DLC1: variants seen among roughly 807,000 people sequenced by gnomAD.
DLC1 encodes DLC1 Rho GTPase activating protein, also known as rho GTPase-activating protein 7.
A neutral mutation model predicts 140.3 loss-of-function variants in DLC1; 54 were observed. The ratio of observed to expected loss-of-function variants is 0.38; its 90% confidence interval spans 0.31 to 0.48. The LOEUF (loss-of-function observed/expected upper bound fraction) is 0.48. DLC1 is among the 20% of genes least tolerant of loss of function. The pLI, the probability that DLC1 is intolerant of heterozygous loss-of-function variation, is 0.96. For missense variants in DLC1, 2,536 were observed against 1,907.0 expected (o/e 1.33, Z -6.14); for synonymous variants, 986 against 728.1 (o/e 1.35, Z -5.70).
At chr8:13,513,323 A>G (rs927221224) in intron 1 of DLC1, among the ~76,000 whole-genome samples, 14 of 152,184 alleles carry the variant, frequency 9.2e-5, no homozygotes, top group African/African-American at 3.4e-4. Flanking sequence ...TCTTCCACAT[A>G]TATAAAAAGT....
intron 4 of DLC1, among the ~76,000 whole-genome samples, chr8:13,361,986 C>A (rs1835247761): frequency 6.6e-6 from 1 of 152,120 alleles, no homozygotes; most frequent in Non-Finnish European, 1.5e-5. Context: ...TTCCCAAAAC[C>A]AAAGAAATAA....
chr8:13,334,222 A>AG (rs1342277806), intron 4 of DLC1, among the ~76,000 whole-genome samples: 5 of 151,992 alleles, frequency 3.3e-5, no homozygotes, highest in African/African-American at 7.3e-5. Context: ...GGAGAGAAGC[A>AG]GGGGGGAGTT....
chr8:13,551,126 T>C (rs980697724), intron 1 of DLC1, among the ~76,000 whole-genome samples: 5 of 150,308 alleles, frequency 3.3e-5, no homozygotes, highest in African/African-American at 9.8e-5. Context: ...ATTTGAAAAC[T>C]CTTTGGAAAA....
chr8:13,151,510 A>G (rs892052731), intron 5 of DLC1, among the ~76,000 whole-genome samples: 1 of 152,232 alleles, frequency 6.6e-6, no homozygotes, highest in Non-Finnish European at 1.5e-5. Flanking sequence ...TGTAATCTGC[A>G]TTTTCAAATC....
chr8:13,396,160 C>T (rs1173832405), intron 3 of DLC1, among the ~76,000 whole-genome samples: 1 of 150,376 alleles, frequency 6.6e-6, no homozygotes, highest in East Asian at 2.0e-4. Context: ...CCTGGGTTCA[C>T]ACCATTCTCC....
chr8:13,288,059 C>A (rs1831599153), intron 5 of DLC1, among the ~76,000 whole-genome samples: 1 of 152,106 alleles, frequency 6.6e-6, no homozygotes, highest in Admixed American at 6.5e-5. Context: ...TATAATAAAT[C>A]AGAGCTCAGT....
intron 3 of DLC1, among the ~76,000 whole-genome samples, chr8:13,398,349 A>G (rs1188446383): frequency 6.6e-6 from 1 of 152,192 alleles, no homozygotes; most frequent in African/African-American, 2.4e-5. Context: ...GGAAGGATTT[A>G]TTGAATAGGT....
chr8:13,260,130 A>C (rs1830416206), intron 5 of DLC1, among the ~76,000 whole-genome samples: 1 of 152,186 alleles, frequency 6.6e-6, no homozygotes, highest in Non-Finnish European at 1.5e-5. Flanking sequence ...GAACCTTTCC[A>C]GATAACAGAA....
In DLC1 at chr8:13,084,342, C is replaced by T. The variant is rs1188184546; in HGVS notation, c.*1469G>A. 1.3e-5 allele frequency: 2 copies of T among 152,552 alleles called. No individual in the cohort carries two copies. The highest frequency in any genetic ancestry group is 2.9e-5 in the Non-Finnish European group (2 of 68,008). The allele number at this position is 152,552 out of a possible 1,614,324, so 9.4% of individuals were successfully genotyped here. A position where few individuals can be genotyped will look rare whatever the true frequency, so the allele number is the denominator to read the frequency against. ...TCTTCAAAGAACCTTTGAAATAACA[C>T]TGAAAATGGTAACTAAATTATAACA... On this transcript the variant is annotated 3_prime_UTR_variant, in exon 18 of 18. Coordinates refer to ENST00000276297, the MANE Select transcript of DLC1 (RefSeq NM_182643.3).
At chr8:13,561,087 A>G (rs1033253115) in intron 1 of DLC1, among the ~76,000 whole-genome samples, 1 of 151,458 alleles carries the variant, frequency 6.6e-6, no homozygotes, top group South Asian at 2.1e-4. Context: ...TTTGTCTAAC[A>G]TTTAGATAAA....
At chr8:13,453,434 A>ATTTTTTTTTTTTTTTTTT (rs1799202793) in intron 2 of DLC1, among the ~76,000 whole-genome samples, 2 of 29,588 alleles carry the variant, frequency 6.8e-5, no homozygotes, top group African/African-American at 3.7e-4. Context: ...GTGTATATAT[A>ATTTTTTTTTTTTTTTTTT]TATGTATATA....
intron 5 of DLC1, among the ~76,000 whole-genome samples, chr8:13,173,475 G>A (rs1391569257): frequency 6.7e-6 from 1 of 148,684 alleles, no homozygotes; most frequent in Non-Finnish European, 1.5e-5. Context: ...GTGTTGAAGC[G>A]ATTCTCCTGC....
intron 5 of DLC1, among the ~76,000 whole-genome samples, chr8:13,238,135 G>A (rs772740836): frequency 3.3e-4 from 50 of 151,948 alleles, no homozygotes; most frequent in Non-Finnish European, 6.5e-4. Flanking sequence ...TGCATGCACA[G>A]GCATGTGTGC....
chr8:13,204,261 T>C (rs1199444397), intron 5 of DLC1, among the ~76,000 whole-genome samples: 1 of 152,020 alleles, frequency 6.6e-6, no homozygotes, highest in South Asian at 2.1e-4. Context: ...AGAGGCTGAG[T>C]GGGCTGGATG....
At chr8:13,278,014 T>G (rs1831235395) in intron 5 of DLC1, among the ~76,000 whole-genome samples, 1 of 152,258 alleles carries the variant, frequency 6.6e-6, no homozygotes, top group Non-Finnish European at 1.5e-5. Context: ...TCATGAATTA[T>G]AACTAACATT....
chr8:13,559,560 CTA>C (rs1400779087), intron 1 of DLC1, among the ~76,000 whole-genome samples: 61 of 152,198 alleles, frequency 4.0e-4, no homozygotes, highest in African/African-American at 1.4e-3. Context: ...TCATTCAACA[CTA>C]TGTAATTATA....
chr8:13,436,459 G>T (rs146480151), intron 2 of DLC1, among the ~76,000 whole-genome samples: 1 of 152,046 alleles, frequency 6.6e-6, no homozygotes, highest in Non-Finnish European at 1.5e-5. Context: ...GGACTGACCC[G>T]TTTTCAATCT....
Position 13,499,624 on chromosome 8 carries a change from C to G in DLC1, c.448G>C (p.Ala150Pro). ...TGGTTACTTTGTATGATGGGCAGTG[C>G]CTTTTCTAAGGAGCCTGCTCCTTGG... ...MIQGAGSLEK[A>P]LPIIQSNQVS... The change falls in exon 2 of 18, where the codon GCA becomes CCA. Residue 150 changes from alanine to proline, a missense_variant. Coordinates refer to ENST00000276297, the MANE Select transcript of DLC1 (RefSeq NM_182643.3). The G allele has an allele frequency of 6.2e-7, 1 of 1,614,138 alleles. No individual in the cohort carries two copies.
intron 4 of DLC1, among the ~76,000 whole-genome samples, chr8:13,345,275 G>A (rs1834274661): frequency 6.6e-6 from 1 of 152,136 alleles, no homozygotes; most frequent in African/African-American, 2.4e-5. Flanking sequence ...CACCTAAAAT[G>A]TCAGGAGTTA....
Sources: gnomAD v4.1 joint callset for allele counts (sites outside exome capture counted in the v4.1 genomes callset) on GRCh38, gnomAD v4.1.1 for gene constraint, MANE v1.5 for transcripts, NCBI Gene and HGNC (gene_info 2026-07-23, HGNC 2026-07-21) for gene names.